The following ZCCHC2 variants were observed in gnomAD, a reference collection of about 807,000 sequenced individuals.
The protein encoded by ZCCHC2 is zinc finger CCHC domain-containing protein 2.
Under a neutral mutation model 103.6 loss-of-function variants are expected in ZCCHC2, and 39 were observed. The observed-to-expected ratio is 0.38, with a 90% CI of 0.29 to 0.49. The LOEUF is 0.49. Ranked by LOEUF, ZCCHC2 falls within the 20% of genes least tolerant of loss-of-function variation. ZCCHC2 has a pLI of 0.96. For synonymous variants in ZCCHC2, 687 were observed against 608.9 expected, an observed-to-expected ratio of 1.13 and a Z score of -1.89; for missense variants, 1,483 against 1,491.0, an observed-to-expected ratio of 0.99 and a Z score of 0.09.
At chr18:62,565,503 A>G (rs1032848564) in intron 11 of ZCCHC2, among the ~76,000 whole-genome samples, 1 of 152,184 alleles carries the variant, frequency 6.6e-6, no homozygotes, top group African/African-American at 2.4e-5. Context: ...TCATGATTTA[A>G]TAACCATCCT....
At chr18:62,542,615 C>A in intron 3 of ZCCHC2, 41 bp downstream of exon 3, 1 of 1,496,164 alleles carries the variant, frequency 6.7e-7, no homozygotes, top group Non-Finnish European at 9.1e-7. Flanking sequence ...ACGTGCTGTG[C>A]TCAATGATCT....
rs559420116 is a variant in ZCCHC2 at position 62,570,737 on chromosome 18, T to C, written c.1975+506T>C. Among the ~76,000 whole-genome samples the C allele has an allele frequency of 3.9e-5, 6 of 152,384 alleles. No individual in the cohort carries two copies. The South Asian group carries it at 1.2e-3, about 32-fold the overall frequency. On this transcript the variant is annotated intron_variant, in intron 12 of 13. Transcript: ENST00000269499. Reference sequence around the variant, plus strand: ...TTAAACCTATTTGTGTCTTTAAATATAAATTTTGTCTCTTGTAGACAACAT... The same window carrying C: ...TTAAACCTATTTGTGTCTTTAAATACAAATTTTGTCTCTTGTAGACAACAT...
chr18:62,544,954 G>A, intron 4 of ZCCHC2, 81 bp downstream of exon 4: 1 of 1,155,440 alleles, frequency 8.7e-7, no homozygotes. Context: ...AAAACACCAG[G>A]AAAATTAAAA....
intron 1 of ZCCHC2, chr18:62,524,976 T>G (rs1461922731): frequency 2.0e-5 from 3 of 152,464 alleles, no homozygotes; most frequent in East Asian, 1.9e-4. Flanking sequence ...TCTGAGGGCT[T>G]GTGTTCCCAG....
intron 11 of ZCCHC2, among the ~76,000 whole-genome samples, chr18:62,567,532 G>A (rs2145527350): frequency 6.6e-6 from 1 of 152,316 alleles, no homozygotes; most frequent in African/African-American, 2.4e-5. Flanking sequence ...GCTCCTGCCA[G>A]GACGCAGTCA....
At chr18:62,539,325 G>T (rs1018939422) in intron 1 of ZCCHC2, among the ~76,000 whole-genome samples, 1 of 152,194 alleles carries the variant, frequency 6.6e-6, no homozygotes, top group Non-Finnish European at 1.5e-5. Context: ...TAAAAATGGT[G>T]TAGTGATTCT....
At position 62,539,771 on chromosome 18, in the gene ZCCHC2, C is replaced by G. The variant is rs373559429; in HGVS notation, c.1030C>G (p.Pro344Ala). Residue 344 changes from proline to alanine, a missense_variant, in exon 2 of 14, where the codon CCT becomes GCT. Coordinates refer to ENST00000269499, the MANE Select transcript of ZCCHC2 (RefSeq NM_017742.6). Reference protein sequence around the residue: ...PIPQDGLTVAPHRAQREAVHI... With the variant: ...PIPQDGLTVAAHRAQREAVHI... Reference sequence around the variant, plus strand: ...ACCTCAGGACGGACTTACCGTGGCACCTCACAGAGCTCAGCGAGAAGGTAT... The same window carrying G: ...ACCTCAGGACGGACTTACCGTGGCAGCTCACAGAGCTCAGCGAGAAGGTAT... 2.5e-6 allele frequency: 4 copies of G among 1,607,814 alleles called. No homozygotes were observed. In the African/African-American group the frequency reaches 5.3e-5, roughly 21 times the overall value.
At chr18:62,543,328 A>G (rs1915281062) in intron 3 of ZCCHC2, among the ~76,000 whole-genome samples, 1 of 152,008 alleles carries the variant, frequency 6.6e-6, no homozygotes, top group Admixed American at 6.6e-5. Flanking sequence ...CTGCCCTCGT[A>G]CCTTTCACAG....
intron 8 of ZCCHC2, among the ~76,000 whole-genome samples, chr18:62,561,211 A>G (rs141019476): frequency 9.2e-5 from 14 of 152,290 alleles, no homozygotes; most frequent in Non-Finnish European, 1.8e-4. Flanking sequence ...AATGCACTCA[A>G]ATTTTTATCT....
At chr18:62,539,537 T>G (rs577178279) in intron 1 of ZCCHC2, 144 bp from the exon 2 acceptor site, 280 of 577,276 alleles carry the variant, frequency 4.9e-4, no homozygotes, top group Admixed American at 1.5e-3. Flanking sequence ...ACACTGTGCC[T>G]TTGTGCCCAT....
Position 62,574,774 on chromosome 18 carries a change from T to C in ZCCHC2, c.2693T>C (p.Val898Ala). Reference sequence around the variant, plus strand: ...GGGACAGTCCCTCAGCCTACCAATGTGAAGGTAGTTCTTCCAGCAGCTGGC... The same window carrying C: ...GGGACAGTCCCTCAGCCTACCAATGCGAAGGTAGTTCTTCCAGCAGCTGGC... Reference protein sequence around the residue: ...NTGTVPQPTNVKVVLPAAGLS... With the variant: ...NTGTVPQPTNAKVVLPAAGLS... The change falls in exon 13 of 14, where the codon GTG becomes GCG. Residue 898 changes from valine to alanine, a missense_variant. Around this residue, in one of 3 missense-constraint regions of ZCCHC2, gnomAD observed 884 missense variants for 907.5 expected, o/e 0.97. Transcript: ENST00000269499. 1.2e-6 allele frequency: 2 copies of C among 1,613,996 alleles called. No homozygotes were observed. Among genetic ancestry groups the C allele is most frequent in the Non-Finnish European group, 8.5e-7 (1 of 1,179,874 alleles).
At position 62,543,522 on chromosome 18, in the gene ZCCHC2, T is replaced by C. The variant is rs1481023180; in HGVS notation, c.1128+948T>C. 2.0e-5 allele frequency among the ~76,000 whole-genome samples: 3 copies of C among 152,188 alleles called. No homozygotes were observed. In the East Asian group the frequency reaches 5.8e-4, roughly 29 times the overall value. ...TTACTGCGGCATGCGTCTCGCTCTT[T>C]ACTCTCCACGCTCAGTCAGGCTGGC... On this transcript the variant is annotated intron_variant, in intron 3 of 13. Coordinates refer to ENST00000269499, the MANE Select transcript of ZCCHC2 (RefSeq NM_017742.6).
At chr18:62,570,069 A>C in intron 11 of ZCCHC2, 34 bp from the exon 12 acceptor site, 1 of 1,535,316 alleles carries the variant, frequency 6.5e-7, no homozygotes, top group Non-Finnish European at 8.8e-7. Context: ...AAATGACTTA[A>C]CATGATTTTT....
At chr18:62,567,481 C>T (rs938896040) in intron 11 of ZCCHC2, among the ~76,000 whole-genome samples, 1 of 152,160 alleles carries the variant, frequency 6.6e-6, no homozygotes, top group African/African-American at 2.4e-5. Flanking sequence ...CTCAGAATTT[C>T]AAAAGAAAAC....
chr18:62,569,466 TAA>T (rs2145529549), intron 11 of ZCCHC2, among the ~76,000 whole-genome samples: 1 of 151,390 alleles, frequency 6.6e-6, no homozygotes, highest in East Asian at 1.9e-4. Flanking sequence ...TTTACAGAGA[TAA>T]GAGAATATTT....
In ZCCHC2 at chr18:62,574,926, G is replaced by A. The variant is rs2145537288; in HGVS notation, c.2845G>A (p.Gly949Ser). ...AACTTCTCCCCAGCCAGCGAGCGCA[G>A]GTATCAGCCAGGCCCAGGCAACTGT... ...AATSPQPASAGISQAQATVPP... is the reference protein window; with the variant it reads ...AATSPQPASASISQAQATVPP... Residue 949 changes from glycine to serine, a missense_variant, in exon 13 of 14, where the codon GGT (glycine) becomes AGT (serine). Gly to Ser is a moderately conservative substitution (Grantham distance 56). Transcript: ENST00000269499. 1 of 1,613,844 alleles carries A rather than the reference G, an allele frequency of 6.2e-7. No individual in the cohort carries two copies. The highest frequency in any genetic ancestry group is 8.5e-7 in the Non-Finnish European group (1 of 1,179,892).
At chr18:62,549,553 T>C (rs1041158277) in intron 4 of ZCCHC2, among the ~76,000 whole-genome samples, 4 of 152,246 alleles carry the variant, frequency 2.6e-5, no homozygotes, top group African/African-American at 9.6e-5. Context: ...ACTCTGAATT[T>C]TAGTGAAAGT....
chr18:62,523,904 G>C lies in ZCCHC2; in HGVS notation c.480G>C (p.Pro160=). The part of the protein sequence containing the change: ...AKANGLSDPG[P]LADFREPAVR... ...CCAACGGCCTCTCGGACCCGGGGCCGCTGGCCGACTTCCGAGAGCCCGCGG... is the reference window on the plus strand; with the variant it reads ...CCAACGGCCTCTCGGACCCGGGGCCCCTGGCCGACTTCCGAGAGCCCGCGG... The change falls in exon 1 of 14, where the codon CCG becomes CCC. Residue 160 remains proline (P), a synonymous_variant. Transcript: ENST00000269499. 1 of 1,536,992 alleles carries C rather than the reference G, an allele frequency of 6.5e-7. No individual in the cohort carries two copies. Among genetic ancestry groups the C allele is most frequent in the Non-Finnish European group, 8.7e-7 (1 of 1,144,206 alleles).
chr18:62,583,350 A>G (rs1917085370), downstream of ZCCHC2, among the ~76,000 whole-genome samples: 1 of 152,072 alleles, frequency 6.6e-6, no homozygotes, highest in African/African-American at 2.4e-5. Flanking sequence ...CATAACGGTC[A>G]TGATTATTCA....
Sources: allele counts gnomAD v4.1 joint callset (sites outside exome capture counted in the v4.1 genomes callset), GRCh38; gene constraint gnomAD v4.1.1; regional missense constraint gnomAD v4.1.1; transcripts MANE v1.5; gene names NCBI Gene and HGNC (gene_info 2026-07-23, HGNC 2026-07-21).